NPIPB9: variants seen among roughly 807,000 people sequenced by gnomAD.
The protein encoded by NPIPB9 is nuclear pore complex-interacting protein family member B9.
A neutral mutation model predicts 5.6 loss-of-function variants in NPIPB9; 1 was observed. The observed-to-expected ratio is 0.18, with a 90% CI of 0.06 to 0.84. The LOEUF is 0.84. NPIPB9 is among the 40% of genes least tolerant of loss of function. The probability of loss-of-function intolerance (pLI) is 0.70; values close to 1 mark genes in which losing one functional copy is unlikely to be tolerated. For synonymous variants in NPIPB9, 2 were observed against 12.5 expected (o/e 0.16, Z 1.77); for missense variants, 3 against 39.1 (o/e 0.08, Z 2.46).
At position 28,755,778 on chromosome 16, in the gene NPIPB9, TGCTC is replaced by T. The variant is rs1363154204; in HGVS notation, c.26-2219_26-2216del. Among the ~76,000 whole-genome samples, 2 of 43,078 alleles carry T rather than the reference TGCTC, an allele frequency of 4.6e-5. 1 individual carries two copies. Among genetic ancestry groups the T allele is most frequent in the Non-Finnish European group, 9.1e-5 (2 of 22,018 alleles). 28.3% of individuals were successfully genotyped at this position (43,078 alleles called of 152,430 possible). The stretch of plus-strand genomic sequence containing the variant: ...AGGTGATGACACTCAGGTACACGGG[TGCTC>T]AACAGATTGCTTCCTCCTATCCTCA... On this transcript the variant is annotated intron_variant, in intron 1 of 7. Coordinates refer to ENST00000550983, the Ensembl canonical transcript of NPIPB9.
At chr16:28,756,547 A>G (rs1168014179) in intron 1 of NPIPB9, among the ~76,000 whole-genome samples, 3 of 84,510 alleles carry the variant, frequency 3.5e-5, no homozygotes, top group African/African-American at 1.1e-4. Context: ...ATAGAATTGA[A>G]TTCCATAGTT....
chr16:28,756,194 CTT>C (rs753440338), intron 1 of NPIPB9, among the ~76,000 whole-genome samples: 1,244 of 87,220 alleles, frequency 0.014, 19 homozygotes, highest in African/African-American at 0.04. Context: ...AAATCTAGGG[CTT>C]TTTTTTTTTT....
At chr16:28,767,534 C>G (rs1596787833) in intron 5 of NPIPB9, among the ~76,000 whole-genome samples, 1 of 14,626 alleles carries the variant, frequency 6.8e-5, no homozygotes, top group East Asian at 1.3e-3. Context: ...TTAGTAGAGA[C>G]AGGGGTTCAC....
intron 2 of NPIPB9, chr16:28,758,591 G>A (rs1267406212): frequency 3.4e-4 from 53 of 157,252 alleles, no homozygotes; most frequent in Non-Finnish European, 6.7e-5. Context: ...CCCCTCCCCT[G>A]CCCCTCCCCA....
chr16:28,759,085 G>T (rs1348698819), intron 2 of NPIPB9, among the ~76,000 whole-genome samples: 1 of 106,954 alleles, frequency 9.3e-6, no homozygotes, highest in East Asian at 2.2e-4. Context: ...CTGCACTCTT[G>T]TCTCTAACAA....
intron 2 of NPIPB9, chr16:28,758,636 T>A: frequency 1.5e-5 from 2 of 132,712 alleles, no homozygotes; most frequent in South Asian, 4.0e-5. Flanking sequence ...TCCCCTTCCC[T>A]CCCCCCTGCC....
At chr16:28,765,315 G>T (rs1166343584) in intron 3 of NPIPB9, among the ~76,000 whole-genome samples, 1 of 16,040 alleles carries the variant, frequency 6.2e-5, no homozygotes, top group Non-Finnish European at 1.0e-4. Context: ...TGTTGCCCAG[G>T]ATGGTCTCCA....
intron 1 of NPIPB9, among the ~76,000 whole-genome samples, chr16:28,754,903 G>A (rs2048761961): frequency 7.2e-6 from 1 of 138,706 alleles, no homozygotes; most frequent in Admixed American, 7.4e-5. Flanking sequence ...AGTGAACTCA[G>A]AATCAATTGA....
chr16:28,765,721 T>G (rs1322231616), intron 3 of NPIPB9, among the ~76,000 whole-genome samples: 3 of 38,044 alleles, frequency 7.9e-5, no homozygotes, highest in South Asian at 2.3e-3. Flanking sequence ...CATGTCATTC[T>G]TGTGTGTGTG....
intron 5 of NPIPB9, among the ~76,000 whole-genome samples, chr16:28,767,464 C>G (rs1373386586): frequency 3.2e-5 from 1 of 31,022 alleles, no homozygotes; most frequent in Non-Finnish European, 6.3e-5. Context: ...CACACCTCGG[C>G]CTCCCAATGT....
chr16:28,769,778 G>T (rs374421795), intron 5 of NPIPB9, among the ~76,000 whole-genome samples: 14 of 147,788 alleles, frequency 9.5e-5, no homozygotes, highest in African/African-American at 2.5e-4. Context: ...TAGCAAAACG[G>T]CTCCTGACCC....
chr16:28,758,634 C>T, intron 2 of NPIPB9: 1 of 401,308 alleles, frequency 2.5e-6, no homozygotes, highest in Non-Finnish European at 4.3e-6. Context: ...CGTCCCCTTC[C>T]CTCCCCCCTG....
rs1390743681 is a variant in NPIPB9, at chr16:28,767,331, G to A, written c.590+842G>A. On this transcript the variant is annotated intron_variant, in intron 5 of 7. Transcript: ENST00000550983. ...ATCCCTCAGCCTCTTGAGTAGCTGG[G>A]ACTACAGGCATATGCCACCATGCCC... 4.0e-5 allele frequency among the ~76,000 whole-genome samples: 4 copies of A among 101,086 alleles called. 1 individual carries two copies. The highest frequency in any genetic ancestry group is 1.1e-4 in the Admixed American group (1 of 8,708). The allele number at this position is 101,086 out of a possible 152,430, so 66.3% of individuals were successfully genotyped here.
chr16:28,753,539 C>T (rs1270584662), intron 1 of NPIPB9, among the ~76,000 whole-genome samples: 30 of 53,404 alleles, frequency 5.6e-4, no homozygotes, highest in Non-Finnish European at 9.4e-4. Context: ...CATACACACA[C>T]ACACACACAC....
chr16:28,760,327 T>A, intron 2 of NPIPB9, among the ~76,000 whole-genome samples: 1 of 52,318 alleles, frequency 1.9e-5, no homozygotes, highest in Non-Finnish European at 4.0e-5. Context: ...TTTTTTTTTT[T>A]TTTTTTTTTT....
chr16:28,758,509 CT>C, intron 2 of NPIPB9: 1 of 79,138 alleles, frequency 1.3e-5, no homozygotes, highest in East Asian at 3.9e-4. Flanking sequence ...TTTCCCTTCC[CT>C]TACTTCCCCC....
chr16:28,758,599 C>A (rs542717619), intron 2 of NPIPB9: 2 of 281,684 alleles, frequency 7.1e-6, no homozygotes, highest in Admixed American at 5.2e-5. Flanking sequence ...CTGCCCCTCC[C>A]CAACTCAGAT....
chr16:28,760,279 C>A (rs2049025491), intron 2 of NPIPB9, among the ~76,000 whole-genome samples: 1 of 33,172 alleles, frequency 3.0e-5, no homozygotes, highest in Non-Finnish European at 5.8e-5. Flanking sequence ...AAATCCCACA[C>A]TATTCATGCC....
intron 3 of NPIPB9, among the ~76,000 whole-genome samples, chr16:28,765,770 T>A (rs1036379230): frequency 4.0e-5 from 4 of 100,628 alleles, no homozygotes; most frequent in Admixed American, 1.1e-4. Flanking sequence ...TGTGTGTGTG[T>A]GTGTGACAGA....
Sources: gnomAD v4.1 joint callset for allele counts (sites outside exome capture counted in the v4.1 genomes callset) on GRCh38, gnomAD v4.1.1 for gene constraint, MANE v1.5 for transcripts, NCBI Gene and HGNC (gene_info 2026-07-23, HGNC 2026-07-21) for gene names.